C3orf70: variants seen among roughly 807,000 people sequenced by gnomAD.
C3orf70 encodes the protein UPF0524 protein C3orf70.
Under a neutral mutation model 20.7 loss-of-function variants are expected in C3orf70, and 15 were observed. The ratio of observed to expected loss-of-function variants is 0.72; its 90% CI spans 0.48 to 1.11. The LOEUF (loss-of-function observed/expected upper bound fraction) is 1.11, where lower values mean the gene tolerates loss of function less well. Among genes scored for constraint, C3orf70 ranks in the 50% most tolerant of loss-of-function variants. C3orf70 has a pLI of 0.00. For synonymous variants in C3orf70, 161 were observed against 125.7 expected, an observed-to-expected ratio of 1.28 and a Z score of -1.88; for missense variants, 332 against 317.6, an observed-to-expected ratio of 1.05 and a Z score of -0.34.
chr3:185,107,937 T>C (rs188203840), intron 1 of C3orf70, among the ~76,000 whole-genome samples: 2 of 152,264 alleles, frequency 1.3e-5, no homozygotes, highest in East Asian at 3.9e-4. Context: ...TTCTTCCACA[T>C]ACTAATTCAC....
In C3orf70 at chr3:185,152,756, G is replaced by C; in HGVS notation, c.68C>G (p.Ala23Gly). The part of the protein sequence containing the change: ...WKSEKLDEAQ[A>G]LARSCAARRP... The stretch of plus-strand genomic sequence containing the variant: ...GCGGGCGGCGCAACTCCGCGCCAGG[G>C]CCTGAGCCTCATCTAGTTTCTCGCT... The change falls in exon 1 of 2, where the codon GCC becomes GGC. Residue 23 changes from alanine (A) to glycine (G), a missense_variant. Ala to Gly is a moderately conservative substitution (Grantham distance 60). Transcript: ENST00000335012. 4 of 1,591,172 alleles carry C rather than the reference G, an allele frequency of 2.5e-6. No individual in the cohort carries two copies. The South Asian group carries it at 4.5e-5, about 18-fold the overall frequency.
In C3orf70 at chr3:185,078,987, T is replaced by C. The variant is rs543405338; in HGVS notation, c.*4020A>G. ...TCAAATAGACCAAGAAGTGGAGGAT[T>C]AGAAGTAAAGCCGGCCGGGCGTGGT... On this transcript the variant is annotated 3_prime_UTR_variant, in exon 2 of 2. Transcript: ENST00000335012. 6.6e-6 allele frequency: 1 copy of C among 152,160 alleles called. No individual in the cohort carries two copies. Among genetic ancestry groups the C allele is most frequent in the East Asian group, 1.9e-4 (1 of 5,182 alleles). The allele number at this position is 152,160 out of a possible 1,614,324, so 9.4% of individuals were successfully genotyped here.
At chr3:185,122,444 A>G (rs1217293988) in intron 1 of C3orf70, among the ~76,000 whole-genome samples, 2 of 152,318 alleles carry the variant, frequency 1.3e-5, no homozygotes, top group African/African-American at 2.4e-5. Flanking sequence ...CAAAATCCCT[A>G]AAGTCGAAAG....
chr3:185,123,173 C>T (rs768041721), intron 1 of C3orf70, among the ~76,000 whole-genome samples: 5 of 62,472 alleles, frequency 8.0e-5, no homozygotes, highest in Admixed American at 4.1e-4. Context: ...ACCGAGACTC[C>T]ATCTCAAAAA....
At chr3:185,097,842 T>G (rs150176792) in intron 1 of C3orf70, among the ~76,000 whole-genome samples, 1 of 152,214 alleles carries the variant, frequency 6.6e-6, no homozygotes, top group Non-Finnish European at 1.5e-5. Flanking sequence ...ACCTAAGACA[T>G]TCGGCACTGG....
At chr3:185,094,838 CT>C (rs1436737643) in intron 1 of C3orf70, among the ~76,000 whole-genome samples, 3 of 152,132 alleles carry the variant, frequency 2.0e-5, no homozygotes, top group Non-Finnish European at 2.9e-5. Context: ...CTGAGGGAGC[CT>C]TCTCACAAGG....
chr3:185,138,120 C>T (rs1716664784), intron 1 of C3orf70, among the ~76,000 whole-genome samples: 1 of 151,912 alleles, frequency 6.6e-6, no homozygotes. Flanking sequence ...ATTAACAACT[C>T]TACAAGCATA....
intron 1 of C3orf70, among the ~76,000 whole-genome samples, chr3:185,130,994 T>G (rs1716511968): frequency 6.6e-6 from 1 of 152,216 alleles, no homozygotes; most frequent in African/African-American, 2.4e-5. Flanking sequence ...AATGGCTAAG[T>G]CATATGGTAA....
chr3:185,087,768 A>C (rs1162885774), intron 1 of C3orf70, among the ~76,000 whole-genome samples: 1 of 152,162 alleles, frequency 6.6e-6, no homozygotes, highest in Non-Finnish European at 1.5e-5. Flanking sequence ...AATGGACTTA[A>C]CACCACTGAA....
chr3:185,101,665 C>T (rs1715826873), intron 1 of C3orf70, among the ~76,000 whole-genome samples: 1 of 152,090 alleles, frequency 6.6e-6, no homozygotes, highest in Non-Finnish European at 1.5e-5. Flanking sequence ...AGGTGCTATA[C>T]ACCTTCAAAC....
intron 1 of C3orf70, among the ~76,000 whole-genome samples, chr3:185,110,331 T>A (rs1009130376): frequency 1.3e-5 from 2 of 152,234 alleles, no homozygotes; most frequent in African/African-American, 4.8e-5. Context: ...TTGAAGGAGC[T>A]GCAGACAAAT....
intron 1 of C3orf70, among the ~76,000 whole-genome samples, chr3:185,090,011 CAAAG>C (rs1318050194): frequency 6.6e-6 from 1 of 152,138 alleles, no homozygotes; most frequent in Non-Finnish European, 1.5e-5. Flanking sequence ...AAAAAAGAAA[CAAAG>C]AGTTATTACA....
intron 1 of C3orf70, among the ~76,000 whole-genome samples, chr3:185,134,125 A>ATATATATATATATATATATATATATT (rs71298570): frequency 6.3e-4 from 92 of 145,904 alleles, no homozygotes; most frequent in African/African-American, 1.8e-3. Flanking sequence ...TCATATATAT[A>ATATATATATATATATATATATATATT]TAGAGGAGAT....
intron 1 of C3orf70, 49 bp downstream of exon 1, chr3:185,152,568 ACGGCCCGGCGG>A: frequency 6.9e-7 from 1 of 1,459,046 alleles, no homozygotes; most frequent in Non-Finnish European, 9.2e-7. Flanking sequence ...GCGACCCCGG[ACGGCCCGGCGG>A]GCGTCCCCCG....
chr3:185,106,117 G>T (rs554784472), intron 1 of C3orf70, among the ~76,000 whole-genome samples: 1 of 152,080 alleles, frequency 6.6e-6, no homozygotes, highest in Non-Finnish European at 1.5e-5. Context: ...GTGATTGTTC[G>T]AGCAGCGCCT....
At chr3:185,128,089 G>C (rs1364944966) in intron 1 of C3orf70, among the ~76,000 whole-genome samples, 1 of 152,194 alleles carries the variant, frequency 6.6e-6, no homozygotes, top group African/African-American at 2.4e-5. Context: ...AATTTAGTAT[G>C]ACAAATAATG....
chr3:185,096,542 G>C (rs1489028854), intron 1 of C3orf70, among the ~76,000 whole-genome samples: 1 of 152,106 alleles, frequency 6.6e-6, no homozygotes, highest in Non-Finnish European at 1.5e-5. Context: ...TATATGCTCT[G>C]CCGTAATGGA....
At chr3:185,136,462 G>A (rs761022955) in intron 1 of C3orf70, among the ~76,000 whole-genome samples, 4 of 152,112 alleles carry the variant, frequency 2.6e-5, no homozygotes, top group Non-Finnish European at 4.4e-5. Context: ...GGTGGCTCAC[G>A]CCTCAATCCC....
intron 1 of C3orf70, among the ~76,000 whole-genome samples, chr3:185,128,493 A>C (rs1716459160): frequency 6.7e-6 from 1 of 150,096 alleles, no homozygotes; most frequent in Non-Finnish European, 1.5e-5. Context: ...GCACCACTGC[A>C]CTCCGGCCTG....
Sources: allele counts gnomAD v4.1 joint callset (sites outside exome capture counted in the v4.1 genomes callset), GRCh38; gene constraint gnomAD v4.1.1; transcripts MANE v1.5; gene names NCBI Gene and HGNC (gene_info 2026-07-23, HGNC 2026-07-21).